ACER2: variants seen among roughly 807,000 people sequenced by gnomAD.
ACER2 encodes the protein alkaline ceramidase 2.
Under a neutral mutation model 34.7 loss-of-function variants are expected in ACER2, and 26 were observed. The observed-to-expected ratio is 0.75, with a 90% CI of 0.55 to 1.04. The LOEUF (loss-of-function observed/expected upper bound fraction) is 1.04. ACER2 is among the 50% of genes least tolerant of loss of function. The pLI, the probability that ACER2 is intolerant of heterozygous loss-of-function variation, is 0.00. For synonymous variants in ACER2, 138 were observed against 132.1 expected, an observed-to-expected ratio of 1.04 and a Z score of -0.31; for missense variants, 352 against 340.8, an observed-to-expected ratio of 1.03 and a Z score of -0.26.
intron 3 of ACER2, among the ~76,000 whole-genome samples, chr9:19,434,164 C>T (rs1366689421): frequency 6.7e-6 from 1 of 149,734 alleles, no homozygotes; most frequent in Non-Finnish European, 1.5e-5. Context: ...CTCCCCACAT[C>T]CCAGATGATG....
At chr9:19,433,677 C>A (rs1330390959) in intron 3 of ACER2, among the ~76,000 whole-genome samples, 1 of 152,282 alleles carries the variant, frequency 6.6e-6, no homozygotes, top group African/African-American at 2.4e-5. Flanking sequence ...GGGCACACCT[C>A]CCAGATGGGG....
chr9:19,433,149 C>CTTTTTTTTTT (rs57915019), intron 3 of ACER2, among the ~76,000 whole-genome samples: 4 of 61,360 alleles, frequency 6.5e-5, no homozygotes, highest in African/African-American at 1.2e-4. Flanking sequence ...GTGTGAGTGG[C>CTTTTTTTTTT]TTTTTTTTTT....
chr9:19,426,360 CTCTCTCTCTCTCT>C (rs1830570458), intron 3 of ACER2, among the ~76,000 whole-genome samples: 3 of 65,154 alleles, frequency 4.6e-5, no homozygotes, highest in Non-Finnish European at 7.7e-5. Context: ...CCCTCTCTTT[CTCTCTCTCTCTCT>C]CTCTCTCTCT....
At chr9:19,419,758 C>G (rs1321052989) in intron 1 of ACER2, among the ~76,000 whole-genome samples, 1 of 152,140 alleles carries the variant, frequency 6.6e-6, no homozygotes, top group East Asian at 1.9e-4. Flanking sequence ...CAGAGTGAGA[C>G]TCCATCTCAA....
intron 3 of ACER2, among the ~76,000 whole-genome samples, chr9:19,426,237 A>C (rs1002578113): frequency 2.7e-5 from 4 of 150,706 alleles, no homozygotes; most frequent in African/African-American, 4.9e-5. Context: ...TTAAAAAAAA[A>C]AAAACAAAAT....
intron 4 of ACER2, among the ~76,000 whole-genome samples, chr9:19,438,283 T>A (rs1831036417): frequency 6.6e-6 from 1 of 152,264 alleles, no homozygotes; most frequent in African/African-American, 2.4e-5. Context: ...ATGGTAGATC[T>A]CAGCAAATAC....
At chr9:19,446,530 T>A (rs1831370455) in intron 5 of ACER2, 112 bp downstream of exon 5, 1 of 1,560,280 alleles carries the variant, frequency 6.4e-7, no homozygotes, top group Non-Finnish European at 8.6e-7. Flanking sequence ...GCTGGCTTGC[T>A]TCTCTCCTCA....
At chr9:19,434,595 A>T (rs1347211501) in intron 3 of ACER2, among the ~76,000 whole-genome samples, 1 of 152,096 alleles carries the variant, frequency 6.6e-6, no homozygotes. Context: ...ACACAGCGAA[A>T]CCCCGTCTCC....
intron 5 of ACER2, among the ~76,000 whole-genome samples, chr9:19,449,225 A>T (rs949213912): frequency 6.6e-6 from 1 of 152,252 alleles, no homozygotes; most frequent in Non-Finnish European, 1.5e-5. Flanking sequence ...CCACTTATGC[A>T]TATTTGCAAC....
chr9:19,409,803 A>G (rs1238234030), intron 1 of ACER2: 2 of 984,716 alleles, frequency 2.0e-6, no homozygotes, highest in African/African-American at 1.8e-5. Context: ...CGCTAATTCA[A>G]CTCCCCCAGG....
chr9:19,435,081 A>C lies in ACER2; in HGVS notation c.500A>C (p.Lys167Thr). 6.2e-7 allele frequency: 1 copy of C among 1,614,084 alleles called. No homozygotes were observed. The highest frequency in any genetic ancestry group is 8.5e-7 in the Non-Finnish European group (1 of 1,179,998). Residue 167 changes from lysine (K) to threonine (T), a missense_variant, in exon 4 of 6, where the codon AAG (lysine) becomes ACG (threonine). Transcript: ENST00000340967. ...ACTGCACTGCTCATCGCAGAGCTAA[A>C]GAGGTAGGTGCCATCATTCCTGCCT... Reference protein sequence around the residue: ...PCTALLIAELKRCDNMRVFKL... With the variant: ...PCTALLIAELTRCDNMRVFKL...
intron 3 of ACER2, among the ~76,000 whole-genome samples, chr9:19,428,836 C>G (rs534880886): frequency 5.8e-5 from 7 of 119,748 alleles, no homozygotes; most frequent in Non-Finnish European, 9.5e-5. Context: ...GTCACCCAGG[C>G]TAGAGAGCGG....
Position 19,424,811 on chromosome 9 carries a change from G to C in ACER2, c.335G>C (p.Arg112Thr). The C allele has an allele frequency of 6.2e-7, 1 of 1,614,086 alleles. No homozygotes were observed. Among genetic ancestry groups the C allele is most frequent in the Non-Finnish European group, 8.5e-7 (1 of 1,180,018 alleles). The change falls in exon 3 of 6, where the codon AGG becomes ACG. Residue 112 changes from arginine to threonine, a missense_variant. Coordinates refer to ENST00000340967, the MANE Select transcript of ACER2 (RefSeq NM_001010887.3). ...MCALAMWFPR[R>T]YLPKIFRNDR... ...GCTTTGGCCATGTGGTTCCCCAGAA[G>C]GTATCTACCAAAGATCTTTCGGAAT...
At chr9:19,439,363 C>T (rs182158094) in intron 4 of ACER2, among the ~76,000 whole-genome samples, 230 of 107,080 alleles carry the variant, frequency 2.1e-3, no homozygotes, top group African/African-American at 6.0e-3. Context: ...TTTTTGGAGA[C>T]GTAGTCTCGC....
intron 5 of ACER2, among the ~76,000 whole-genome samples, chr9:19,449,890 TAAAAA>T (rs543959118): frequency 1.8e-4 from 23 of 131,334 alleles, no homozygotes; most frequent in Non-Finnish European, 1.8e-4. Flanking sequence ...AGACTTCATT[TAAAAA>T]AAAAAAAAAA....
At chr9:19,435,816 G>C (rs898785998) in intron 4 of ACER2, among the ~76,000 whole-genome samples, 1 of 151,926 alleles carries the variant, frequency 6.6e-6, no homozygotes, top group South Asian at 2.1e-4. Flanking sequence ...TTGGGAGGCC[G>C]AGGAGGGCGG....
At chr9:19,445,445 A>G (rs1831323704) in intron 4 of ACER2, among the ~76,000 whole-genome samples, 2 of 152,196 alleles carry the variant, frequency 1.3e-5, no homozygotes, top group Non-Finnish European at 2.9e-5. Context: ...GGAGGTTATA[A>G]TCACTACCTA....
At position 19,446,059 on chromosome 9, in the gene ACER2, A is replaced by G. The variant is rs1208992035; in HGVS notation, c.504-222A>G. 4 of 746,232 alleles carry G rather than the reference A, an allele frequency of 5.4e-6. No individual in the cohort carries two copies. The Admixed American group carries it at 7.1e-5, about 13-fold the overall frequency. The allele number at this position is 746,232 out of a possible 1,614,324, so 46.2% of individuals were successfully genotyped here. ...AATGTAGTTGGGTGTATGAGTCTGG[A>G]GTCAGGAGAGAAGCCTGGGTGGGAA... On this transcript the variant is annotated intron_variant, in intron 4 of 5. Coordinates refer to ENST00000340967, the MANE Select transcript of ACER2 (RefSeq NM_001010887.3).
At chr9:19,415,174 G>C (rs190165126) in intron 1 of ACER2, among the ~76,000 whole-genome samples, 1 of 152,222 alleles carries the variant, frequency 6.6e-6, no homozygotes, top group African/African-American at 2.4e-5. Flanking sequence ...CTTCTAAATG[G>C]TGCTTCTAAT....
Sources: gnomAD v4.1 joint callset for allele counts (sites outside exome capture counted in the v4.1 genomes callset) on GRCh38, gnomAD v4.1.1 for gene constraint, MANE v1.5 for transcripts, NCBI Gene and HGNC (gene_info 2026-07-23, HGNC 2026-07-21) for gene names.